MRPL1: variants seen among roughly 807,000 people sequenced by gnomAD.
MRPL1 encodes mitochondrial ribosomal protein L1, also known as large ribosomal subunit protein uL1m.
In MRPL1, 28 loss-of-function variants were observed where a neutral mutation model predicts 38.0. The ratio of observed to expected loss-of-function variants is 0.74; its 90% CI spans 0.55 to 1.01. The LOEUF is 1.01. Among genes scored for constraint, MRPL1 ranks in the 50% least tolerant of loss-of-function variants. MRPL1 has a pLI of 0.00. For synonymous variants in MRPL1, 123 were observed against 126.7 expected (o/e 0.97, Z 0.20); for missense variants, 358 against 389.8 (o/e 0.92, Z 0.69).
chr4:77,877,934 T>G (rs1350393933), intron 2 of MRPL1, among the ~76,000 whole-genome samples: 4 of 152,128 alleles, frequency 2.6e-5, no homozygotes, highest in Non-Finnish European at 5.9e-5. Flanking sequence ...GCTTCTAATC[T>G]TCTGCTTTGC....
At position 77,909,301 on chromosome 4, in the gene MRPL1, T is replaced by C; in HGVS notation, c.706T>C (p.Leu236=). 1 of 1,611,862 alleles carries C rather than the reference T, an allele frequency of 6.2e-7. No homozygotes were observed. Among genetic ancestry groups the C allele is most frequent in the Non-Finnish European group, 8.5e-7 (1 of 1,179,160 alleles). ...CCGTGACATCCCCAAAATGCTTGAA[T>C]TATTTAAAAATGGACATGAAATTAA... ...IGRDIPKMLE[L]FKNGHEIKVD... Residue 236 remains leucine, a synonymous_variant, in exon 7 of 9, where the codon TTA becomes CTA. Coordinates refer to ENST00000315567, the MANE Select transcript of MRPL1 (RefSeq NM_020236.4).
chr4:77,868,844 G>C (rs575467750), intron 1 of MRPL1, among the ~76,000 whole-genome samples: 1 of 152,312 alleles, frequency 6.6e-6, no homozygotes, highest in African/African-American at 2.4e-5. Context: ...GGGGCTAGAG[G>C]ATGCTCACTG....
At chr4:77,948,710 TTGTAC>T (rs1737331644) in intron 7 of MRPL1, among the ~76,000 whole-genome samples, 1 of 152,184 alleles carries the variant, frequency 6.6e-6, no homozygotes, top group African/African-American at 2.4e-5. Flanking sequence ...ACTTCAACTG[TTGTAC>T]TGTATAAATT....
intron 2 of MRPL1, among the ~76,000 whole-genome samples, chr4:77,875,735 T>C (rs1370359240): frequency 6.6e-6 from 1 of 152,120 alleles, no homozygotes; most frequent in East Asian, 1.9e-4. Context: ...ATGATACATA[T>C]ACAAACATAA....
intron 1 of MRPL1, among the ~76,000 whole-genome samples, chr4:77,869,434 G>T (rs1045535957): frequency 7.2e-5 from 11 of 152,188 alleles, no homozygotes; most frequent in African/African-American, 2.7e-4. Context: ...CAAAAGGATT[G>T]AAAACATAGA....
intron 6 of MRPL1, among the ~76,000 whole-genome samples, chr4:77,901,999 A>G (rs1736045936): frequency 6.6e-6 from 1 of 152,254 alleles, no homozygotes; most frequent in Non-Finnish European, 1.5e-5. Context: ...TTGAAGTGAC[A>G]CACGTATGTG....
At chr4:77,906,516 T>C (rs1736161778) in intron 6 of MRPL1, among the ~76,000 whole-genome samples, 2 of 151,976 alleles carry the variant, frequency 1.3e-5, no homozygotes, top group African/African-American at 2.4e-5. Flanking sequence ...AAATTGACAA[T>C]GTAGAGGAAA....
intron 7 of MRPL1, among the ~76,000 whole-genome samples, chr4:77,924,111 C>T (rs961838677): frequency 6.6e-6 from 1 of 151,908 alleles, no homozygotes; most frequent in Admixed American, 6.6e-5. Flanking sequence ...CCACTGGTTT[C>T]TCTCAGCTGG....
intron 2 of MRPL1, among the ~76,000 whole-genome samples, chr4:77,873,196 A>G (rs951096637): frequency 4.6e-5 from 7 of 152,244 alleles, no homozygotes; most frequent in Admixed American, 3.3e-4. Flanking sequence ...AGCACATAGC[A>G]TATGTTAGTT....
At chr4:77,875,077 C>T (rs1015723747) in intron 2 of MRPL1, among the ~76,000 whole-genome samples, 2 of 152,116 alleles carry the variant, frequency 1.3e-5, no homozygotes, top group East Asian at 1.9e-4. Flanking sequence ...CGTGAGCCAC[C>T]ATGCCTGGCC....
intron 5 of MRPL1, among the ~76,000 whole-genome samples, chr4:77,888,738 G>T (rs1325509420): frequency 2.0e-5 from 3 of 151,958 alleles, no homozygotes; most frequent in Non-Finnish European, 4.4e-5. Context: ...TATACTTTAA[G>T]TTCTAGGGTA....
At chr4:77,864,708 C>T (rs1420450579) in intron 1 of MRPL1, 5 of 152,090 alleles carry the variant, frequency 3.3e-5, no homozygotes, top group South Asian at 2.1e-4. Flanking sequence ...AGCGAAAACC[C>T]CCAGGGATAC....
intron 7 of MRPL1, among the ~76,000 whole-genome samples, chr4:77,922,047 T>G (rs1578055598): frequency 6.6e-6 from 1 of 152,072 alleles, no homozygotes; most frequent in East Asian, 1.9e-4. Flanking sequence ...GGGATAGACG[T>G]GTAGATGGTA....
intron 7 of MRPL1, among the ~76,000 whole-genome samples, chr4:77,920,290 G>A (rs890664177): frequency 2.0e-5 from 3 of 152,046 alleles, no homozygotes; most frequent in African/African-American, 4.8e-5. Context: ...AAGTGTACCT[G>A]TATATACAAA....
chr4:77,902,141 G>C (rs1263694549), intron 6 of MRPL1, among the ~76,000 whole-genome samples: 1 of 152,188 alleles, frequency 6.6e-6, no homozygotes, highest in African/African-American at 2.4e-5. Context: ...TAAACTGAAT[G>C]ATACTGAAAA....
chr4:77,878,762 C>G (rs966943753), intron 2 of MRPL1, among the ~76,000 whole-genome samples: 79 of 152,092 alleles, frequency 5.2e-4, no homozygotes, highest in African/African-American at 1.7e-3. Context: ...ACCTGTAGTC[C>G]CAGCTACTCG....
chr4:77,887,379 C>A, intron 5 of MRPL1, 88 bp downstream of exon 5: 1 of 1,093,560 alleles, frequency 9.1e-7, no homozygotes, highest in Non-Finnish European at 1.4e-6. Flanking sequence ...GAACACTAGT[C>A]TCATATCTTA....
In MRPL1 at chr4:77,893,343, C is replaced by T. The variant is rs191003115; in HGVS notation, c.559-796C>T. ...TGTTGCCCAGGCTAATTTCAAACTC[C>T]TGAGCTCAATTGATTTGCCTGCCTT... On this transcript the variant is annotated intron_variant, in intron 5 of 8. Coordinates refer to ENST00000315567, the MANE Select transcript of MRPL1 (RefSeq NM_020236.4). 7.2e-5 allele frequency among the ~76,000 whole-genome samples: 11 copies of T among 151,990 alleles called. No individual in the cohort carries two copies. The East Asian group carries it at 2.1e-3, about 29-fold the overall frequency.
intron 3 of MRPL1, among the ~76,000 whole-genome samples, chr4:77,884,909 T>G (rs1298301612): frequency 1.3e-5 from 2 of 152,240 alleles, no homozygotes; most frequent in African/African-American, 4.8e-5. Flanking sequence ...GATGTTGATA[T>G]GCAAACACAT....
Sources: gnomAD v4.1 joint callset for allele counts (sites outside exome capture counted in the v4.1 genomes callset) on GRCh38, gnomAD v4.1.1 for gene constraint, MANE v1.5 for transcripts, NCBI Gene and HGNC (gene_info 2026-07-23, HGNC 2026-07-21) for gene names.